The following TMEM108 variants were observed in gnomAD, a reference collection of about 807,000 sequenced individuals.
The protein encoded by TMEM108 is cancer/testis antigen 124.
A neutral mutation model predicts 35.1 loss-of-function variants in TMEM108; 12 were observed. The ratio of observed to expected loss-of-function variants is 0.34; its 90% CI spans 0.22 to 0.55. The LOEUF is 0.55. Among genes scored for constraint, TMEM108 ranks in the 20% least tolerant of loss-of-function variants. The pLI is 0.89. For missense variants in TMEM108, 680 were observed against 753.3 expected (o/e 0.90, Z 1.14); for synonymous variants, 287 against 308.6 (o/e 0.93, Z 0.73).
chr3:133,377,246 A>G (rs1243446514), intron 3 of TMEM108, among the ~76,000 whole-genome samples: 1 of 152,202 alleles, frequency 6.6e-6, no homozygotes, highest in Non-Finnish European at 1.5e-5. Flanking sequence ...GTCAGTCCTT[A>G]ACAACACTTA....
At chr3:133,302,254 CAT>C (rs1260879702) in intron 3 of TMEM108, among the ~76,000 whole-genome samples, 1 of 152,170 alleles carries the variant, frequency 6.6e-6, no homozygotes, top group Non-Finnish European at 1.5e-5. Context: ...AGTGTAACCA[CAT>C]GAGTGCATGC....
chr3:133,146,244 C>T (rs1944718108), intron 2 of TMEM108, among the ~76,000 whole-genome samples: 2 of 152,162 alleles, frequency 1.3e-5, no homozygotes, highest in South Asian at 4.1e-4. Flanking sequence ...GTCATTGGTT[C>T]TGTTTATGTG....
chr3:133,302,130 C>T (rs1947233698), intron 3 of TMEM108, among the ~76,000 whole-genome samples: 1 of 152,204 alleles, frequency 6.6e-6, no homozygotes, highest in Non-Finnish European at 1.5e-5. Context: ...CTCAAACTGG[C>T]TCTTAAATCT....
At chr3:133,291,366 A>G (rs2107695589) in intron 3 of TMEM108, among the ~76,000 whole-genome samples, 1 of 152,030 alleles carries the variant, frequency 6.6e-6, no homozygotes, top group African/African-American at 2.4e-5. Flanking sequence ...CTGCAGCCTC[A>G]ACCTCCCAGG....
At chr3:133,201,695 T>C (rs1945668781) in intron 2 of TMEM108, among the ~76,000 whole-genome samples, 1 of 152,184 alleles carries the variant, frequency 6.6e-6, no homozygotes, top group Non-Finnish European at 1.5e-5. Context: ...TTATCTAGTC[T>C]ATCATTGATG....
At chr3:133,103,547 T>A (rs987910593) in intron 2 of TMEM108, among the ~76,000 whole-genome samples, 1 of 152,150 alleles carries the variant, frequency 6.6e-6, no homozygotes, top group Non-Finnish European at 1.5e-5. Flanking sequence ...CAAGTTTACC[T>A]ATATAACCTG....
At chr3:133,074,358 T>A (rs1230188336) in intron 2 of TMEM108, 1 of 152,216 alleles carries the variant, frequency 6.6e-6, no homozygotes, top group African/African-American at 2.4e-5. Context: ...ATAAACACAA[T>A]GTAAGTTAAA....
At chr3:133,203,719 G>A (rs780807442) in intron 2 of TMEM108, among the ~76,000 whole-genome samples, 37 of 152,044 alleles carry the variant, frequency 2.4e-4, no homozygotes, top group Admixed American at 5.2e-4. Flanking sequence ...GAGGATTTTC[G>A]CGTTGACCTT....
chr3:133,156,064 T>TTTTTTTTATTTATTTATTTA (rs1944876805), intron 2 of TMEM108, among the ~76,000 whole-genome samples: 1 of 146,084 alleles, frequency 6.8e-6, no homozygotes, highest in African/African-American at 2.5e-5. Context: ...TTATTTTTTC[T>TTTTTTTTATTTATTTATTTA]TTTATTTATT....
rs190232316 is a variant in TMEM108, at chr3:133,208,963, G to T, written c.-46-20303G>T. ...ACTTTTGCGTTCCAGACTTTGTGTG[G>T]ATGTTCGTGTCATTTTATTCTCAAA... On this transcript the variant is annotated intron_variant, in intron 2 of 5. Transcript: ENST00000321871. Among the ~76,000 whole-genome samples the T allele has an allele frequency of 5.9e-5, 9 of 152,238 alleles. No individual in the cohort carries two copies. In the East Asian group the frequency reaches 1.2e-3, roughly 20 times the overall value.
intron 2 of TMEM108, among the ~76,000 whole-genome samples, chr3:133,128,705 C>T (rs1233288570): frequency 1.3e-5 from 2 of 152,154 alleles, no homozygotes; most frequent in Non-Finnish European, 1.5e-5. Flanking sequence ...ATCATCTACT[C>T]TAATCCCATG....
At chr3:133,300,727 C>G (rs1947210143) in intron 3 of TMEM108, among the ~76,000 whole-genome samples, 1 of 151,876 alleles carries the variant, frequency 6.6e-6, no homozygotes, top group Non-Finnish European at 1.5e-5. Context: ...GGTACCTAGC[C>G]CTGGAGTGAT....
At chr3:133,138,929 C>A (rs996075239) in intron 2 of TMEM108, among the ~76,000 whole-genome samples, 12 of 151,920 alleles carry the variant, frequency 7.9e-5, no homozygotes, top group Non-Finnish European at 1.0e-4. Flanking sequence ...TCCCCACCCC[C>A]CAACAGGCCC....
At chr3:133,080,048 T>TA (rs1273832565) in intron 2 of TMEM108, among the ~76,000 whole-genome samples, 7 of 152,162 alleles carry the variant, frequency 4.6e-5, no homozygotes, top group Non-Finnish European at 7.3e-5. Context: ...TCCACATACT[T>TA]ACTTGTCATC....
intron 1 of TMEM108, among the ~76,000 whole-genome samples, chr3:133,040,594 A>G (rs147702176): frequency 7.6e-4 from 115 of 152,156 alleles, no homozygotes; most frequent in African/African-American, 2.7e-3. Context: ...TTATTTTCAG[A>G]GGAGAGAAAT....
rs1308540485 is a variant in TMEM108, at chr3:133,375,352, CACA to C, written c.41-4395_41-4393del. 5.9e-5 allele frequency among the ~76,000 whole-genome samples: 9 copies of C among 152,202 alleles called. No homozygotes were observed. In the South Asian group the frequency reaches 8.3e-4, roughly 14 times the overall value. Reference sequence around the variant, plus strand: ...ACCCATCAATATGTAGATTCCACCCCACAACAATTGTCCATATTCAGACACGTT... The same window carrying C: ...ACCCATCAATATGTAGATTCCACCCCACAATTGTCCATATTCAGACACGTT... On this transcript the variant is annotated intron_variant, in intron 3 of 5. Coordinates refer to ENST00000321871, the MANE Select transcript of TMEM108 (RefSeq NM_023943.4).
intron 4 of TMEM108, chr3:133,388,531 G>A (rs1035932679): frequency 7.1e-6 from 7 of 985,258 alleles, no homozygotes; most frequent in African/African-American, 1.7e-5. Flanking sequence ...GAAAAGTTCT[G>A]TACCAGCTAA....
intron 4 of TMEM108, chr3:133,389,101 G>C (rs1200112757): frequency 1.0e-6 from 1 of 985,508 alleles, no homozygotes; most frequent in Admixed American, 6.1e-5. Context: ...TCCCCAAGAG[G>C]CCTCTGTCAC....
In TMEM108 at chr3:133,249,696, T is replaced by A. The variant is rs1191668987; in HGVS notation, c.40+20345T>A. Among the ~76,000 whole-genome samples the A allele has an allele frequency of 1.8e-4, 27 of 152,184 alleles. 1 individual carries two copies. The highest frequency in any genetic ancestry group is 1.8e-3 in the Admixed American group (27 of 15,274). On this transcript the variant is annotated intron_variant, in intron 3 of 5. Coordinates refer to ENST00000321871, the MANE Select transcript of TMEM108 (RefSeq NM_023943.4). Reference sequence around the variant, plus strand: ...TGGTGTACATGTACCACGTTTTCCTTATCCAGTCCACTGTTGATAGGTACC... The same window carrying A: ...TGGTGTACATGTACCACGTTTTCCTAATCCAGTCCACTGTTGATAGGTACC...
Sources: gnomAD v4.1 joint callset for allele counts (sites outside exome capture counted in the v4.1 genomes callset) on GRCh38, gnomAD v4.1.1 for gene constraint, MANE v1.5 for transcripts, NCBI Gene and HGNC (gene_info 2026-07-23, HGNC 2026-07-21) for gene names.